Variants in SLC25A46 observed in about 807,000 individuals in gnomAD.
The protein encoded by SLC25A46 is solute carrier family 25 member 46, also known as mitochondrial outer membrane protein SLC25A46.
Under a neutral mutation model 44.6 loss-of-function variants are expected in SLC25A46, and 39 were observed. The ratio of observed to expected loss-of-function variants is 0.87; its 90% CI spans 0.68 to 1.14. The LOEUF (loss-of-function observed/expected upper bound fraction) is 1.14, where lower values mean the gene tolerates loss of function less well. Ranked by LOEUF, SLC25A46 falls within the 50% of genes most tolerant of loss-of-function variation. SLC25A46 has a pLI of 0.00. For synonymous variants in SLC25A46, 202 were observed against 185.8 expected (o/e 1.09, Z -0.71); for missense variants, 547 against 522.7 (o/e 1.05, Z -0.45).
Position 110,739,377 on chromosome 5 carries a change from C to T in SLC25A46, c.258C>T (p.Gly86=). 1 of 1,549,570 alleles carries T rather than the reference C, an allele frequency of 6.5e-7. No individual in the cohort carries two copies. ...PTEEPFSSGG[G]GSVQGQSSEQ... ...AGGAACCCTTTTCCAGTGGCGGCGG[C>T]GGCAGTGTGCAGGGGCAGAGCAGTG... The change falls in exon 1 of 8, where the codon GGC becomes GGT. Residue 86 remains glycine, a synonymous_variant. Transcript: ENST00000355943.
rs867841573 is a variant in SLC25A46 at position 110,739,277 on chromosome 5, G to T, written c.158G>T (p.Arg53Leu). ...VTTPPDIPGSRNLHWGEKSPP... is the reference protein window; with the variant it reads ...VTTPPDIPGSLNLHWGEKSPP... ...ACTCCCCCAGATATCCCCGGCAGCC[G>T]CAACCTGCACTGGGGCGAGAAGAGC... The change falls in exon 1 of 8, where the codon CGC becomes CTC. Residue 53 changes from arginine (R) to leucine (L), a missense_variant. Physicochemically the swap from Arg to Leu is moderately radical, Grantham distance 102. Coordinates refer to ENST00000355943, the MANE Select transcript of SLC25A46 (RefSeq NM_138773.4). 1 of 1,576,936 alleles carries T rather than the reference G, an allele frequency of 6.3e-7. No homozygotes were observed. Among genetic ancestry groups the T allele is most frequent in the Non-Finnish European group, 8.6e-7 (1 of 1,161,662 alleles).
intron 4 of SLC25A46, 143 bp downstream of exon 4, chr5:110,746,489 T>C (rs995083111): frequency 3.5e-6 from 2 of 575,214 alleles, no homozygotes; most frequent in South Asian, 5.0e-5. Context: ...CACAACGATA[T>C]GTTTTTGAAT....
intron 3 of SLC25A46, among the ~76,000 whole-genome samples, chr5:110,744,687 ATT>A (rs1040694480): frequency 6.6e-6 from 1 of 152,160 alleles, no homozygotes; most frequent in African/African-American, 2.4e-5. Context: ...ACTGTTATTT[ATT>A]TTTGTTTTAA....
chr5:110,764,667 G>A lies in SLC25A46; in HGVS notation c.*2885G>A, dbSNP rs752444332. On this transcript the variant is annotated 3_prime_UTR_variant, in exon 8 of 8. Coordinates refer to ENST00000355943, the MANE Select transcript of SLC25A46 (RefSeq NM_138773.4). ...ACCTAAGTATTAGTACATCTGTTCAGGAAATGGAAAAAAAAAATGCTGCTT... is the reference window on the plus strand; with the variant it reads ...ACCTAAGTATTAGTACATCTGTTCAAGAAATGGAAAAAAAAAATGCTGCTT... 1.6e-4 allele frequency: 24 copies of A among 151,078 alleles called. No homozygotes were observed. The highest frequency in any genetic ancestry group is 3.2e-4 in the Non-Finnish European group (22 of 67,872). The allele number at this position is 151,078 out of a possible 1,614,324, so 9.4% of individuals were successfully genotyped here. A position where few individuals can be genotyped will look rare whatever the true frequency, so the allele number is the denominator to read the frequency against.
chr5:110,757,007 T>C (rs1041147243), intron 7 of SLC25A46: 1 of 316,988 alleles, frequency 3.2e-6, no homozygotes, highest in Non-Finnish European at 5.7e-6. Context: ...TTTAGACATC[T>C]CAGAACACAG....
rs1435657609 is a variant in SLC25A46, at chr5:110,764,356, T to C, written c.*2574T>C. On this transcript the variant is annotated 3_prime_UTR_variant, in exon 8 of 8. Coordinates refer to ENST00000355943, the MANE Select transcript of SLC25A46 (RefSeq NM_138773.4). Reference sequence around the variant, plus strand: ...AAATGCCATTCTCAATTTTATTTTATGGGCTCCAAAAAAAATTATCTGGGT... The same window carrying C: ...AAATGCCATTCTCAATTTTATTTTACGGGCTCCAAAAAAAATTATCTGGGT... The C allele has an allele frequency of 6.6e-6, 1 of 151,874 alleles. No homozygotes were observed. Among genetic ancestry groups the C allele is most frequent in the African/African-American group, 2.4e-5 (1 of 41,406 alleles). 9.4% of individuals were successfully genotyped at this position (151,874 alleles called of 1,614,324 possible).
chr5:110,739,172 C>T lies in SLC25A46; in HGVS notation c.53C>T (p.Ala18Val), dbSNP rs1799532266. ...GATGGCTTGGGCTACCGGGGTGGTG[C>T]CCGGGACGAGCAGGGCTTTGGCGGC... ...GFDGLGYRGG[A>V]RDEQGFGGAF... Residue 18 changes from alanine (A) to valine (V), a missense_variant, in exon 1 of 8, where the codon GCC becomes GTC. Physicochemically the swap from Ala to Val is moderately conservative, Grantham distance 64. Coordinates refer to ENST00000355943, the MANE Select transcript of SLC25A46 (RefSeq NM_138773.4). The T allele has an allele frequency of 6.4e-7, 1 of 1,550,708 alleles. No homozygotes were observed. The highest frequency in any genetic ancestry group is 8.7e-7 in the Non-Finnish European group (1 of 1,147,236).
chr5:110,739,437 G>GT (rs1306324878), intron 1 of SLC25A46, 35 bp downstream of exon 1: 11 of 1,505,342 alleles, frequency 7.3e-6, no homozygotes, highest in Non-Finnish European at 9.7e-6. Context: ...GGGATGAGGG[G>GT]TTACTGGGGC....
Position 110,742,146 on chromosome 5 carries a change from T to C in SLC25A46, c.326+57T>C, listed in dbSNP as rs1799707668. On this transcript the variant is annotated intron_variant, in intron 2 of 7. Coordinates refer to ENST00000355943, the MANE Select transcript of SLC25A46 (RefSeq NM_138773.4). ...TTATTTATTGAATTTAGAGTTTTTCTTTAATTTACAATATTAAATGATTAT... is the reference window on the plus strand; with the variant it reads ...TTATTTATTGAATTTAGAGTTTTTCCTTAATTTACAATATTAAATGATTAT... 7.2e-6 allele frequency: 9 copies of C among 1,252,270 alleles called. No homozygotes were observed. In the Admixed American group the frequency reaches 2.3e-4, roughly 31 times the overall value. The allele number at this position is 1,252,270 out of a possible 1,614,324, so 77.6% of individuals were successfully genotyped here.
At chr5:110,749,855 T>A (rs931490177) in intron 5 of SLC25A46, among the ~76,000 whole-genome samples, 1 of 152,104 alleles carries the variant, frequency 6.6e-6, no homozygotes, top group African/African-American at 2.4e-5. Context: ...ATAGGTAATA[T>A]TGGAAATTAG....
chr5:110,755,991 T>G (rs1800101921), intron 6 of SLC25A46: 1 of 152,238 alleles, frequency 6.6e-6, no homozygotes, highest in Non-Finnish European at 1.5e-5. Flanking sequence ...TTTTTTTTTT[T>G]GAAGATTGTG....
chr5:110,744,224 T>C (rs1200630250), intron 3 of SLC25A46, among the ~76,000 whole-genome samples: 2 of 152,218 alleles, frequency 1.3e-5, no homozygotes, highest in African/African-American at 4.8e-5. Flanking sequence ...TTTAGTCTTG[T>C]ACACATGTAT....
Position 110,739,174 on chromosome 5 carries a change from CGGG to C in SLC25A46, c.56_58del (p.Arg19_Asp20delinsHis). ...TGGCTTGGGCTACCGGGGTGGTGCC[CGGG>C]ACGAGCAGGGCTTTGGCGGCGCCTT... is the stretch of plus-strand genomic sequence containing the variant. On this transcript the variant is annotated inframe_deletion, in exon 1 of 8. Transcript: ENST00000355943. 1 of 1,551,036 alleles carries C rather than the reference CGGG, an allele frequency of 6.4e-7. No individual in the cohort carries two copies. The highest frequency in any genetic ancestry group is 1.7e-4 in the Middle Eastern group (1 of 5,774).
intron 4 of SLC25A46, among the ~76,000 whole-genome samples, chr5:110,747,678 CT>C (rs1277908036): frequency 1.3e-5 from 2 of 151,986 alleles, no homozygotes; most frequent in African/African-American, 4.8e-5. Flanking sequence ...TTGTAAGATA[CT>C]AAGGGAGTAG....
chr5:110,739,764 G>A (rs1415545006), intron 1 of SLC25A46, among the ~76,000 whole-genome samples: 2 of 150,466 alleles, frequency 1.3e-5, no homozygotes. Flanking sequence ...ATTAATTAAT[G>A]TGTTTACTTG....
At chr5:110,750,799 G>C (rs570461912) in intron 5 of SLC25A46, among the ~76,000 whole-genome samples, 30 of 152,222 alleles carry the variant, frequency 2.0e-4, no homozygotes, top group Admixed American at 7.2e-4. Flanking sequence ...TTTGCAACCA[G>C]AACACTATTG....
At chr5:110,759,644 G>A (rs1316322403) in intron 7 of SLC25A46, among the ~76,000 whole-genome samples, 1 of 152,050 alleles carries the variant, frequency 6.6e-6, no homozygotes, top group Admixed American at 6.6e-5. Context: ...TGGTAAGAGG[G>A]GACCAGATTA....
At chr5:110,746,990 C>T (rs1799837600) in intron 4 of SLC25A46, among the ~76,000 whole-genome samples, 1 of 152,160 alleles carries the variant, frequency 6.6e-6, no homozygotes. Context: ...CTGCACACTA[C>T]TAGATCTTAA....
intron 7 of SLC25A46, among the ~76,000 whole-genome samples, chr5:110,760,912 G>C (rs1386673330): frequency 6.6e-6 from 1 of 152,042 alleles, no homozygotes; most frequent in Non-Finnish European, 1.5e-5. Context: ...GCGTTACATA[G>C]TTATTGCCTT....
Sources: gnomAD v4.1 joint callset for allele counts (sites outside exome capture counted in the v4.1 genomes callset) on GRCh38, gnomAD v4.1.1 for gene constraint, MANE v1.5 for transcripts, NCBI Gene and HGNC (gene_info 2026-07-23, HGNC 2026-07-21) for gene names.